Variants in SYT16 observed in about 807,000 individuals in gnomAD.
SYT16 encodes synaptotagmin-16.
A neutral mutation model predicts 61.4 loss-of-function variants in SYT16; 42 were observed. The observed-to-expected ratio is 0.68, with a 90% CI of 0.53 to 0.89. SYT16 has a LOEUF of 0.89. Ranked by LOEUF, SYT16 falls within the 40% of genes least tolerant of loss-of-function variation. SYT16 has a pLI of 0.00. For missense variants in SYT16, 804 were observed against 807.3 expected (o/e 1.00, Z 0.05); for synonymous variants, 314 against 302.3 (o/e 1.04, Z -0.40).
intron 1 of SYT16, among the ~76,000 whole-genome samples, chr14:61,962,064 A>T (rs535713919): frequency 6.6e-6 from 1 of 152,292 alleles, no homozygotes; most frequent in Admixed American, 6.5e-5. Context: ...AGAGCTAAAC[A>T]TTGAGAGCAC....
chr14:61,976,408 C>T (rs1180627438), intron 2 of SYT16, among the ~76,000 whole-genome samples: 1 of 152,206 alleles, frequency 6.6e-6, no homozygotes, highest in Non-Finnish European at 1.5e-5. Context: ...CCACATTTCC[C>T]TTTCTCACTT....
chr14:61,921,792 A>G (rs1335401580), intron 1 of SYT16, among the ~76,000 whole-genome samples: 1 of 152,188 alleles, frequency 6.6e-6, no homozygotes, highest in Non-Finnish European at 1.5e-5. Flanking sequence ...GCAGGCTGTC[A>G]CCTATGGGGC....
intron 3 of SYT16, among the ~76,000 whole-genome samples, chr14:62,008,213 A>G (rs2053303000): frequency 1.3e-5 from 2 of 151,880 alleles, no homozygotes; most frequent in South Asian, 4.2e-4. Flanking sequence ...CTCTTCCCAT[A>G]TCTGCCCCTG....
intron 3 of SYT16, 161 bp from the exon 4 acceptor site, chr14:62,069,442 T>G (rs933761595): frequency 1.5e-6 from 1 of 652,364 alleles, no homozygotes; most frequent in African/African-American, 1.8e-5. Context: ...GACTCAAATT[T>G]GTGTTGCAAA....
intron 1 of SYT16, among the ~76,000 whole-genome samples, chr14:61,850,659 C>T (rs999362961): frequency 6.6e-6 from 1 of 152,108 alleles, no homozygotes; most frequent in Non-Finnish European, 1.5e-5. Flanking sequence ...CCCTTCAGTG[C>T]CCTCCACATC....
chr14:62,072,449 A>G (rs1300185833), intron 4 of SYT16, among the ~76,000 whole-genome samples: 1 of 152,126 alleles, frequency 6.6e-6, no homozygotes, highest in Non-Finnish European at 1.5e-5. Flanking sequence ...GTGGCTGGCT[A>G]GGTAACAGAA....
chr14:61,875,115 G>A (rs2047445870), intron 1 of SYT16, among the ~76,000 whole-genome samples: 2 of 152,216 alleles, frequency 1.3e-5, no homozygotes, highest in African/African-American at 4.8e-5. Context: ...TGGCACAATT[G>A]CCATGAGATT....
chr14:61,830,140 G>T (rs1052084857), intron 1 of SYT16, among the ~76,000 whole-genome samples: 1 of 152,080 alleles, frequency 6.6e-6, no homozygotes, highest in African/African-American at 2.4e-5. Flanking sequence ...TTTGAAGAGG[G>T]TTCATAATTT....
intron 1 of SYT16, among the ~76,000 whole-genome samples, chr14:61,884,806 T>TG (rs1250892924): frequency 6.6e-6 from 1 of 152,148 alleles, no homozygotes; most frequent in Non-Finnish European, 1.5e-5. Context: ...TTATGTTGAT[T>TG]GGGGGATGAA....
chr14:61,901,117 A>T (rs1370764891), intron 1 of SYT16, among the ~76,000 whole-genome samples: 2 of 152,190 alleles, frequency 1.3e-5, no homozygotes, highest in African/African-American at 4.8e-5. Flanking sequence ...TCAGTGTCTA[A>T]CTAATCTAGC....
intron 3 of SYT16, among the ~76,000 whole-genome samples, chr14:62,056,188 C>T (rs1335417316): frequency 6.6e-6 from 1 of 152,008 alleles, no homozygotes; most frequent in Non-Finnish European, 1.5e-5. Flanking sequence ...TTTGATTATA[C>T]TTACAGGAAA....
At chr14:61,940,661 G>A (rs1464067071) in intron 1 of SYT16, among the ~76,000 whole-genome samples, 2 of 152,222 alleles carry the variant, frequency 1.3e-5, no homozygotes, top group Non-Finnish European at 2.9e-5. Context: ...TGCCATGTAA[G>A]TATAAAGTAT....
At chr14:61,945,591 C>T (rs2050392014) in intron 1 of SYT16, among the ~76,000 whole-genome samples, 1 of 151,994 alleles carries the variant, frequency 6.6e-6, no homozygotes, top group African/African-American at 2.4e-5. Context: ...CGCGGTGGCT[C>T]ACGCCTGTAA....
At chr14:61,899,615 C>T (rs1420524002) in intron 1 of SYT16, among the ~76,000 whole-genome samples, 1 of 152,122 alleles carries the variant, frequency 6.6e-6, no homozygotes, top group Non-Finnish European at 1.5e-5. Flanking sequence ...CAACCGTGCT[C>T]ATAGAGAATT....
At chr14:61,973,650 T>G (rs1043143935) in intron 2 of SYT16, among the ~76,000 whole-genome samples, 9 of 152,158 alleles carry the variant, frequency 5.9e-5, no homozygotes, top group African/African-American at 2.2e-4. Flanking sequence ...TTGTTTTGTT[T>G]TGTTTGCTGC....
intron 3 of SYT16, among the ~76,000 whole-genome samples, chr14:62,029,333 G>A (rs2054221816): frequency 6.6e-6 from 1 of 152,158 alleles, no homozygotes; most frequent in African/African-American, 2.4e-5. Context: ...GGGTGAATGT[G>A]GGAGGAAAAG....
At chr14:62,051,450 T>C (rs2055290443) in intron 3 of SYT16, among the ~76,000 whole-genome samples, 1 of 152,204 alleles carries the variant, frequency 6.6e-6, no homozygotes, top group Non-Finnish European at 1.5e-5. Flanking sequence ...CTGCTTTGGC[T>C]CATGTACGGT....
intron 3 of SYT16, among the ~76,000 whole-genome samples, chr14:62,019,655 G>A (rs1367543937): frequency 1.3e-5 from 2 of 152,250 alleles, no homozygotes; most frequent in East Asian, 3.9e-4. Context: ...ATGCTTCCAG[G>A]TGTTTGCTTC....
intron 1 of SYT16, among the ~76,000 whole-genome samples, chr14:61,854,646 T>C (rs1479647978): frequency 6.6e-6 from 1 of 152,222 alleles, no homozygotes; most frequent in Non-Finnish European, 1.5e-5. Flanking sequence ...ACTGGTTTCC[T>C]TGGACTCCTT....
Sources: allele counts gnomAD v4.1 joint callset (sites outside exome capture counted in the v4.1 genomes callset), GRCh38; gene constraint gnomAD v4.1.1; transcripts MANE v1.5; gene names NCBI Gene and HGNC (gene_info 2026-07-23, HGNC 2026-07-21).